The following TBL1Y variants were observed in gnomAD, a reference collection of about 807,000 sequenced individuals.
The protein encoded by TBL1Y is transducin beta like 1 Y-linked, also known as F-box-like/WD repeat-containing protein TBL1Y.
Under a neutral mutation model 12.0 loss-of-function variants are expected in TBL1Y, and 15 were observed. The observed-to-expected ratio is 1.25, with a 90% CI of 0.83 to 1.92. The LOEUF (loss-of-function observed/expected upper bound fraction) is 1.92, where lower values mean the gene tolerates loss of function less well. Among genes scored for constraint, TBL1Y ranks in the 40% most tolerant of loss-of-function variants. The pLI, the probability that TBL1Y is intolerant of heterozygous loss-of-function variation, is 0.00. For synonymous variants in TBL1Y, 53 were observed against 42.6 expected (o/e 1.24, Z -0.95); for missense variants, 148 against 116.7 (o/e 1.27, Z -1.24).
intron 4 of TBL1Y, among the ~76,000 whole-genome samples, chrY:7,020,027 C>CT (rs2012573053): frequency 6.1e-5 from 2 of 32,814 alleles, no homozygotes; most frequent in Admixed American, 2.8e-4. Context: ...GACTGTAGAA[C>CT]TTTTTTTTAA....
intron 6 of TBL1Y, among the ~76,000 whole-genome samples, chrY:7,027,062 C>T (rs2012630335): frequency 6.1e-5 from 2 of 32,618 alleles, no homozygotes; most frequent in African/African-American, 2.4e-4. Context: ...CCAACGTGCC[C>T]GGCTAATTTT....
chrY:6,994,485 TC>T (rs2012396996), intron 3 of TBL1Y, among the ~76,000 whole-genome samples: 1 of 33,545 alleles, frequency 3.0e-5, no homozygotes, highest in African/African-American at 1.2e-4. Context: ...AAACTGTTGT[TC>T]CAGGATCTGT....
chrY:6,963,657 T>C, intron 2 of TBL1Y, among the ~76,000 whole-genome samples: 1 of 33,945 alleles, frequency 2.9e-5, no homozygotes, highest in East Asian at 7.9e-4. Flanking sequence ...TAGGAATCTT[T>C]TGCAGGGGCT....
At chrY:6,965,411 A>G (rs945360132) in intron 2 of TBL1Y, among the ~76,000 whole-genome samples, 2 of 32,780 alleles carry the variant, frequency 6.1e-5, no homozygotes, top group Non-Finnish European at 1.5e-4. Flanking sequence ...GCTTTCAGGG[A>G]CATCAGAAAC....
At chrY:6,914,074 C>T in intron 2 of TBL1Y, among the ~76,000 whole-genome samples, 1 of 33,271 alleles carries the variant, frequency 3.0e-5, no homozygotes, top group Non-Finnish European at 7.4e-5. Flanking sequence ...GAGTATGTTA[C>T]TTTGTAGTTA....
In TBL1Y at chrY:7,017,967, C is replaced by T. The variant is rs868830459; in HGVS notation, c.-139-3482C>T. Among the ~76,000 whole-genome samples the T allele has an allele frequency of 4.5e-4, 15 of 33,454 alleles. No homozygotes were observed. In the South Asian group the frequency reaches 4.9e-3, roughly 11 times the overall value. 89.8% of individuals were successfully genotyped at this position (33,454 alleles called of 37,273 possible). A position where few individuals can be genotyped will look rare whatever the true frequency, so the allele number is the denominator to read the frequency against. ...GCCTACTCACAAATACAGACACCAG[C>T]GGACTGATACATTGCTTGCACTTGA... On this transcript the variant is annotated intron_variant, in intron 4 of 18. Coordinates refer to ENST00000383032, the MANE Select transcript of TBL1Y (RefSeq NM_033284.2).
At chrY:7,076,761 C>T in intron 13 of TBL1Y, among the ~76,000 whole-genome samples, 1 of 29,677 alleles carries the variant, frequency 3.4e-5, no homozygotes, top group Non-Finnish European at 8.0e-5. Context: ...AAAAATTAGC[C>T]GACCTGGTGG....
At chrY:6,993,170 G>C in intron 3 of TBL1Y, among the ~76,000 whole-genome samples, 1 of 30,029 alleles carries the variant, frequency 3.3e-5, no homozygotes, top group Admixed American at 3.1e-4. Context: ...AGAAATCCTG[G>C]CTGTGTCCTC....
Position 7,078,860 on chromosome Y carries a change from C to A in TBL1Y, c.956-1872C>A, listed in dbSNP as rs368290900. On this transcript the variant is annotated intron_variant, in intron 13 of 18. Coordinates refer to ENST00000383032, the MANE Select transcript of TBL1Y (RefSeq NM_033284.2). ...TGGCCTTTTTTCTTGCTTATCAGTT[C>A]TCTGTCATGAGGTGGGAGTGAGTCT... is the stretch of plus-strand genomic sequence containing the variant. Among the ~76,000 whole-genome samples the A allele has an allele frequency of 6.6e-4, 22 of 33,482 alleles. No homozygotes were observed. The East Asian group carries it at 7.2e-3, about 11-fold the overall frequency. The allele number at this position is 33,482 out of a possible 37,273, so 89.8% of individuals were successfully genotyped here.
At chrY:6,956,517 C>T in intron 2 of TBL1Y, among the ~76,000 whole-genome samples, 2 of 33,307 alleles carry the variant, frequency 6.0e-5, no homozygotes, top group Non-Finnish European at 1.5e-4. Context: ...TCTCCAAAAC[C>T]AAAGGTAACT....
chrY:7,002,608 A>G, intron 4 of TBL1Y, among the ~76,000 whole-genome samples: 1 of 33,869 alleles, frequency 3.0e-5, no homozygotes, highest in Non-Finnish European at 7.3e-5. Flanking sequence ...AGTGGAGTGC[A>G]GGAAAGTGTT....
chrY:6,991,852 A>G (rs767491849), intron 3 of TBL1Y, among the ~76,000 whole-genome samples: 1 of 34,366 alleles, frequency 2.9e-5, no homozygotes, highest in Non-Finnish European at 7.3e-5. Flanking sequence ...ACTTACAGAA[A>G]TGGAGAAGGG....
intron 14 of TBL1Y, among the ~76,000 whole-genome samples, chrY:7,084,359 G>A: frequency 1.2e-4 from 4 of 33,602 alleles, no homozygotes; most frequent in Non-Finnish European, 3.0e-4. Flanking sequence ...GCACGATCTC[G>A]GCTCACAGCA....
chrY:6,999,214 C>T (rs2012429579), intron 4 of TBL1Y, among the ~76,000 whole-genome samples: 2 of 33,568 alleles, frequency 6.0e-5, no homozygotes, highest in South Asian at 6.8e-4. Flanking sequence ...GGACATATTG[C>T]AGGTTCCTAA....
Position 6,986,706 on chromosome Y carries a change from G to GT in TBL1Y, c.-235+8475dup, listed in dbSNP as rs2012320940. 1.1e-3 allele frequency among the ~76,000 whole-genome samples: 27 copies of GT among 24,852 alleles called. No individual in the cohort carries two copies. In the South Asian group the frequency reaches 0.021, roughly 19 times the overall value. The allele number at this position is 24,852 out of a possible 37,273, so 66.7% of individuals were successfully genotyped here. Reference sequence around the variant, plus strand: ...GTCCTAGAAGTTGACATCTCGGTGGGTTTTTTTTTTTTACCCACTTTACAA... The same window carrying GT: ...GTCCTAGAAGTTGACATCTCGGTGGGTTTTTTTTTTTTTACCCACTTTACAA... On this transcript the variant is annotated intron_variant, in intron 3 of 18. Coordinates refer to ENST00000383032, the MANE Select transcript of TBL1Y (RefSeq NM_033284.2).
intron 4 of TBL1Y, among the ~76,000 whole-genome samples, chrY:7,010,423 A>G (rs900290984): frequency 2.9e-5 from 1 of 34,180 alleles, no homozygotes; most frequent in Non-Finnish European, 7.3e-5. Flanking sequence ...TGGAGTTCAC[A>G]TTCTACCACT....
intron 6 of TBL1Y, among the ~76,000 whole-genome samples, chrY:7,033,095 TAAAG>T (rs2012665383): frequency 3.1e-5 from 1 of 32,429 alleles, no homozygotes; most frequent in Admixed American, 2.8e-4. Context: ...ACCAGACTAA[TAAAG>T]AAGAAAAGAG....
chrY:7,070,835 A>G lies in TBL1Y; in HGVS notation c.706A>G (p.Lys236Glu). 1 of 392,105 alleles carries G rather than the reference A, an allele frequency of 2.6e-6. No individual in the cohort carries two copies. The highest frequency in any genetic ancestry group is 6.2e-5 in the African/African-American group (1 of 16,145). ...AGGGGGGCACGACGTCCCAAGTAAT[A>G]AAGATGTCACCTCACTGGACTGGAA... Reference protein sequence around the residue: ...REGGHDVPSNKDVTSLDWNSD... With the variant: ...REGGHDVPSNEDVTSLDWNSD... Residue 236 changes from lysine to glutamate, a missense_variant, in exon 10 of 19, where the codon AAA (lysine) becomes GAA (glutamate). By Grantham distance (56) the Lys-to-Glu change is moderately conservative. Transcript: ENST00000383032.
intron 2 of TBL1Y, among the ~76,000 whole-genome samples, chrY:6,974,154 T>A: frequency 3.0e-5 from 1 of 33,810 alleles, no homozygotes; most frequent in Non-Finnish European, 7.3e-5. Context: ...AGGCTGAAGT[T>A]TGAAGCATCA....
Sources: gnomAD v4.1 joint callset for allele counts (sites outside exome capture counted in the v4.1 genomes callset) on GRCh38, gnomAD v4.1.1 for gene constraint, MANE v1.5 for transcripts, NCBI Gene and HGNC (gene_info 2026-07-23, HGNC 2026-07-21) for gene names.